Variants in MAPRE1 observed in about 807,000 individuals in gnomAD.
MAPRE1 encodes the protein microtubule-associated protein RP/EB family member 1.
Under a neutral mutation model 32.1 loss-of-function variants are expected in MAPRE1, and 5 were observed. The ratio of observed to expected loss-of-function variants is 0.16; its 90% CI spans 0.08 to 0.33. MAPRE1 has a LOEUF of 0.33. Among genes scored for constraint, MAPRE1 ranks in the 10% least tolerant of loss-of-function variants. The probability of loss-of-function intolerance (pLI) is 1.00; values close to 1 mark genes in which losing one functional copy is unlikely to be tolerated. For missense variants in MAPRE1, 209 were observed against 327.2 expected, an observed-to-expected ratio of 0.64 and a Z score of 2.79; for synonymous variants, 122 against 118.9, an observed-to-expected ratio of 1.03 and a Z score of -0.17.
intron 3 of MAPRE1, among the ~76,000 whole-genome samples, chr20:32,835,179 T>C (rs1247846352): frequency 1.3e-5 from 2 of 152,050 alleles, no homozygotes; most frequent in Non-Finnish European, 2.9e-5. Context: ...GAGCTATGAT[T>C]GCAGCATAAG....
At chr20:32,833,004 G>A (rs993461224) in intron 2 of MAPRE1, among the ~76,000 whole-genome samples, 85 of 151,864 alleles carry the variant, frequency 5.6e-4, no homozygotes, top group African/African-American at 2.0e-3. Flanking sequence ...ATTCAACTTT[G>A]TTAATTAAAT....
chr20:32,842,120 C>G lies in MAPRE1; in HGVS notation c.597+2264C>G, dbSNP rs182893929. On this transcript the variant is annotated intron_variant, in intron 5 of 6. Coordinates refer to ENST00000375571, the MANE Select transcript of MAPRE1 (RefSeq NM_012325.3). The stretch of plus-strand genomic sequence containing the variant: ...TATTTTTTTGACACGGAATCTCACT[C>G]TGTCGCCCAGGCTGGAGTGCAGTGG... Among the ~76,000 whole-genome samples the G allele has an allele frequency of 2.1e-3, 325 of 151,986 alleles. 2 individuals carry two copies. The highest frequency in any genetic ancestry group is 7.6e-3 in the African/African-American group (313 of 41,418).
intron 2 of MAPRE1, among the ~76,000 whole-genome samples, chr20:32,829,411 A>G (rs1982957155): frequency 6.6e-6 from 1 of 152,200 alleles, no homozygotes; most frequent in Admixed American, 6.5e-5. Flanking sequence ...TGTTTAGAAA[A>G]TGAGGTCTTG....
upstream of MAPRE1, chr20:32,819,950 C>CG (rs1005847661): frequency 2.0e-5 from 2 of 102,232 alleles, no homozygotes; most frequent in African/African-American, 7.5e-5. Flanking sequence ...GGCGGGCGGG[C>CG]GGGGTCTGGC....
chr20:32,837,876 G>C (rs566122654), intron 4 of MAPRE1, among the ~76,000 whole-genome samples: 18 of 152,266 alleles, frequency 1.2e-4, no homozygotes, highest in African/African-American at 3.6e-4. Context: ...TTGAGGTCAG[G>C]AGTTTGAGAC....
chr20:32,836,121 C>T (rs1983194702), intron 3 of MAPRE1, among the ~76,000 whole-genome samples: 1 of 151,998 alleles, frequency 6.6e-6, no homozygotes, highest in Admixed American at 6.6e-5. Flanking sequence ...ACCACACCTG[C>T]CTAATTTTTT....
chr20:32,831,755 G>C (rs532719388), intron 2 of MAPRE1, among the ~76,000 whole-genome samples: 1 of 151,748 alleles, frequency 6.6e-6, no homozygotes, highest in Non-Finnish European at 1.5e-5. Flanking sequence ...GGCTGGTCTC[G>C]ATCTCCTGAC....
chr20:32,844,439 C>CTTTCTTTT (rs1983447321), intron 5 of MAPRE1, among the ~76,000 whole-genome samples: 1 of 52,028 alleles, frequency 1.9e-5, no homozygotes, highest in Non-Finnish European at 3.3e-5. Flanking sequence ...GCTAGCATTC[C>CTTTCTTTT]TTTTTTTTTT....
rs1378445982 is a variant in MAPRE1 at position 32,849,915 on chromosome 20, C to T, written c.*1187C>T. The T allele has an allele frequency of 6.6e-6, 1 of 152,588 alleles. No individual in the cohort carries two copies. The highest frequency in any genetic ancestry group is 2.4e-5 in the African/African-American group (1 of 41,442). 9.5% of individuals were successfully genotyped at this position (152,588 alleles called of 1,614,324 possible). ...TAGTGTGTTACTAAATGTTAATTTT[C>T]TTTTGCGGAAAATACAGTACCGTGT... On this transcript the variant is annotated 3_prime_UTR_variant, in exon 7 of 7. Coordinates refer to ENST00000375571, the MANE Select transcript of MAPRE1 (RefSeq NM_012325.3).
chr20:32,822,291 A>G (rs995256701), intron 1 of MAPRE1, among the ~76,000 whole-genome samples: 13 of 152,118 alleles, frequency 8.5e-5, no homozygotes, highest in East Asian at 1.9e-4. Context: ...AGCTGGGACC[A>G]TGTCTTTTTT....
chr20:32,848,809 C>T lies in MAPRE1; in HGVS notation c.*81C>T, dbSNP rs1983574608. ...CTGTAAAATACTCCCTTTTGTTATC[C>T]TTAGAGGACTCACTGGTTTCTTTTC... On this transcript the variant is annotated 3_prime_UTR_variant, in exon 7 of 7. Coordinates refer to ENST00000375571, the MANE Select transcript of MAPRE1 (RefSeq NM_012325.3). 8.1e-7 allele frequency: 1 copy of T among 1,227,752 alleles called. No homozygotes were observed. Among genetic ancestry groups the T allele is most frequent in the Non-Finnish European group, 1.1e-6 (1 of 873,864 alleles). The allele number at this position is 1,227,752 out of a possible 1,614,324, so 76.1% of individuals were successfully genotyped here.
At chr20:32,841,387 C>T (rs992909007) in intron 5 of MAPRE1, among the ~76,000 whole-genome samples, 13 of 151,144 alleles carry the variant, frequency 8.6e-5, no homozygotes, top group Admixed American at 3.3e-4. Context: ...TGGGTAGCAG[C>T]GACTTGATCT....
chr20:32,845,115 A>G (rs1601172947), intron 5 of MAPRE1, among the ~76,000 whole-genome samples: 1 of 152,148 alleles, frequency 6.6e-6, no homozygotes, highest in East Asian at 1.9e-4. Flanking sequence ...TTGATAGCTT[A>G]CTGCAGCCTT....
intron 2 of MAPRE1, among the ~76,000 whole-genome samples, chr20:32,831,855 G>A (rs1239453866): frequency 6.7e-6 from 1 of 149,330 alleles, no homozygotes; most frequent in Non-Finnish European, 1.5e-5. Flanking sequence ...TTTTTTAATT[G>A]TGTAAAATAG....
intron 2 of MAPRE1, among the ~76,000 whole-genome samples, chr20:32,833,097 G>C (rs1321657231): frequency 6.6e-6 from 1 of 152,036 alleles, no homozygotes; most frequent in East Asian, 1.9e-4. Context: ...CGCTACTCCA[G>C]AGGCTGAGGT....
At chr20:32,843,175 G>A (rs1023660523) in intron 5 of MAPRE1, 4 of 152,060 alleles carry the variant, frequency 2.6e-5, no homozygotes, top group Non-Finnish European at 5.9e-5. Context: ...TAAAGGATTT[G>A]TCTCCAGGTT....
chr20:32,821,248 C>G (rs898521036), intron 1 of MAPRE1, among the ~76,000 whole-genome samples: 1 of 152,306 alleles, frequency 6.6e-6, no homozygotes, highest in Non-Finnish European at 1.5e-5. Context: ...AACTCCTGAC[C>G]TCAAGTGATC....
chr20:32,832,233 A>G (rs555142918), intron 2 of MAPRE1, among the ~76,000 whole-genome samples: 104 of 152,324 alleles, frequency 6.8e-4, no homozygotes, highest in African/African-American at 2.4e-3. Flanking sequence ...TTATTACTTA[A>G]CCACTGGTTT....
intron 3 of MAPRE1, among the ~76,000 whole-genome samples, chr20:32,836,071 A>G (rs911962864): frequency 2.6e-5 from 4 of 152,040 alleles, no homozygotes; most frequent in African/African-American, 9.7e-5. Flanking sequence ...AAGCAGTCCA[A>G]TCTCAGCCTC....
Sources: gnomAD v4.1 joint callset for allele counts (sites outside exome capture counted in the v4.1 genomes callset) on GRCh38, gnomAD v4.1.1 for gene constraint, MANE v1.5 for transcripts, NCBI Gene and HGNC (gene_info 2026-07-23, HGNC 2026-07-21) for gene names.